OR8B2: variants seen among roughly 807,000 people sequenced by gnomAD.
The protein encoded by OR8B2 is olfactory receptor family 8 subfamily B member 2.
For missense variants in OR8B2, 304 were observed against 379.6 expected (o/e 0.80, Z 1.65); for synonymous variants, 98 against 138.2 (o/e 0.71, Z 2.04).
intron 1 of OR8B2, among the ~76,000 whole-genome samples, chr11:124,383,660 C>T (rs1169214121): frequency 2.6e-5 from 4 of 152,188 alleles, no homozygotes; most frequent in Admixed American, 2.0e-4. Context: ...TCATCTCCCT[C>T]ACTTCCATCT....
At chr11:124,393,400 T>C in the OR8B2 span, among the ~76,000 whole-genome samples, 1 of 148,254 alleles carries the variant, frequency 6.7e-6, no homozygotes, top group Non-Finnish European at 1.5e-5. Context: ...TACAATGAAC[T>C]CAAACAAATT....
At chr11:124,388,309 G>T (rs1157125432), upstream of OR8B2, among the ~76,000 whole-genome samples, 1 of 149,266 alleles carries the variant, frequency 6.7e-6, no homozygotes, top group African/African-American at 2.5e-5. Flanking sequence ...GAATAGGAGT[G>T]GTGAGAGATG....
chr11:124,383,791 G>C (rs1201537178), intron 1 of OR8B2, among the ~76,000 whole-genome samples: 1 of 152,140 alleles, frequency 6.6e-6, no homozygotes, highest in Non-Finnish European at 1.5e-5. Context: ...CTGATATTCT[G>C]TTTCCTAGAC....
chr11:124,396,370 T>G, the OR8B2 span: 1 of 1,526,702 alleles, frequency 6.6e-7, no homozygotes, highest in Admixed American at 2.1e-5. Context: ...TAATAAAAAT[T>G]TAAAGTTCTT....
At position 124,382,984 on chromosome 11, in the gene OR8B2, A is replaced by T; in HGVS notation, c.360T>A (p.Tyr120Ter). The T allele has an allele frequency of 6.2e-7, 1 of 1,613,330 alleles. No homozygotes were observed. Among genetic ancestry groups the T allele is most frequent in the South Asian group, 1.1e-5 (1 of 91,044 alleles). The change falls in exon 2 of 2, where the codon TAT (tyrosine) becomes TAA (stop). Residue 120 changes from tyrosine to a stop codon, truncating the protein, a stop_gained. Coordinates refer to ENST00000641451, the MANE Select transcript of OR8B2 (RefSeq NM_001005468.2). LOFTEE classifies it low-confidence loss of function (END_TRUNC). ...GATTACAGATGGCCACATAGCGATC[A>T]TATGCCATTGAAGTCAACATGTAAC... ...SECYMLTSMA[Y>*]DRYVAICNPL...
upstream of OR8B2, among the ~76,000 whole-genome samples, chr11:124,388,510 A>C (rs1172787808): frequency 6.6e-6 from 1 of 152,146 alleles, no homozygotes; most frequent in East Asian, 1.9e-4. Flanking sequence ...TTTCTAGAAC[A>C]ATGCCTAGGA....
chr11:124,387,061 G>A (rs1488875421), upstream of OR8B2, among the ~76,000 whole-genome samples: 40 of 152,336 alleles, frequency 2.6e-4, no homozygotes, highest in Non-Finnish European at 5.0e-4. Flanking sequence ...GTCTTCTTTT[G>A]AGAAGTGTCT....
chr11:124,387,735 G>A (rs1031236479), upstream of OR8B2, among the ~76,000 whole-genome samples: 52 of 143,724 alleles, frequency 3.6e-4, no homozygotes, highest in African/African-American at 1.3e-3. Context: ...TTGACTTGGT[G>A]ATGCGGGCTC....
rs766000494 is a variant in OR8B2, at chr11:124,382,804, G to A, written c.540C>T (p.Asp180=). The A allele has an allele frequency of 3.7e-6, 6 of 1,602,492 alleles. No homozygotes were observed. The highest frequency in any genetic ancestry group is 4.3e-6 in the Non-Finnish European group (5 of 1,170,418). Residue 180 remains aspartate (D), a synonymous_variant, in exon 2 of 2, where the codon GAC becomes GAT. Transcript: ENST00000641451. ...AGGAAAGCTGGAGGAGGGGGAGTAT[G>A]TCACACAAGTAATGGTTGATGATAT... The part of the protein sequence containing the change: ...SANIINHYLC[D]ILPLLQLSCT...
upstream of OR8B2, among the ~76,000 whole-genome samples, chr11:124,388,156 T>G (rs1246983175): frequency 5.9e-5 from 9 of 152,232 alleles, no homozygotes; most frequent in South Asian, 1.0e-3. Context: ...AAGGAGATTT[T>G]GGGCTGAGAC....
At chr11:124,394,175 C>T in the OR8B2 span, among the ~76,000 whole-genome samples, 8 of 150,946 alleles carry the variant, frequency 5.3e-5, no homozygotes, top group African/African-American at 1.7e-4. Flanking sequence ...ATGGGTGCAG[C>T]ACACCAGCAT....
At chr11:124,390,183 A>G in the OR8B2 span, among the ~76,000 whole-genome samples, 1 of 152,158 alleles carries the variant, frequency 6.6e-6, no homozygotes, top group African/African-American at 2.4e-5. Flanking sequence ...CTTGACTGGG[A>G]CAAAGTCTAG....
chr11:124,390,675 A>G, the OR8B2 span, among the ~76,000 whole-genome samples: 4 of 152,146 alleles, frequency 2.6e-5, no homozygotes, highest in Non-Finnish European at 5.9e-5. Context: ...TATTGAATAT[A>G]TAGTTACAAA....
the OR8B2 span, chr11:124,396,112 T>C: frequency 8.8e-6 from 2 of 227,768 alleles, no homozygotes; most frequent in Non-Finnish European, 1.7e-5. Flanking sequence ...TCATGAAATT[T>C]ACCATATATG....
the OR8B2 span, among the ~76,000 whole-genome samples, chr11:124,390,453 G>A: frequency 2.5e-4 from 38 of 152,236 alleles, no homozygotes; most frequent in African/African-American, 7.9e-4. Context: ...CAATGATAGC[G>A]GATCAGCCTT....
At chr11:124,393,616 G>A in the OR8B2 span, among the ~76,000 whole-genome samples, 1 of 151,944 alleles carries the variant, frequency 6.6e-6, no homozygotes, top group African/African-American at 2.4e-5. Context: ...GGAAACAACA[G>A]GTGCTGGAGA....
At chr11:124,393,252 A>C in the OR8B2 span, among the ~76,000 whole-genome samples, 20 of 144,764 alleles carry the variant, frequency 1.4e-4, 1 homozygote, top group Middle Eastern at 3.2e-3. Flanking sequence ...AGAAAAGCCA[A>C]AATTGACAAA....
At chr11:124,392,130 T>G in the OR8B2 span, among the ~76,000 whole-genome samples, 11 of 118,818 alleles carry the variant, frequency 9.3e-5, no homozygotes, top group African/African-American at 3.8e-4. Flanking sequence ...ATAAGAGCTA[T>G]CTATGACAAA....
chr11:124,384,763 C>T (rs1860668227), upstream of OR8B2, among the ~76,000 whole-genome samples: 2 of 152,172 alleles, frequency 1.3e-5, no homozygotes, highest in Admixed American at 6.5e-5. Context: ...AATTATATGC[C>T]TGTGTTTACA....
Sources: gnomAD v4.1 joint callset for allele counts (sites outside exome capture counted in the v4.1 genomes callset) on GRCh38, gnomAD v4.1.1 for gene constraint, MANE v1.5 for transcripts, NCBI Gene and HGNC (gene_info 2026-07-23, HGNC 2026-07-21) for gene names.